The following MEGF8 variants were observed in gnomAD, a reference collection of about 807,000 sequenced individuals.
The protein encoded by MEGF8 is multiple epidermal growth factor-like domains protein 8.
Under a neutral mutation model 302.9 loss-of-function variants are expected in MEGF8, and 156 were observed. That is an observed-to-expected ratio of 0.52 (90% confidence interval 0.45 to 0.59). The LOEUF is 0.59. Among genes scored for constraint, MEGF8 ranks in the 20% least tolerant of loss-of-function variants. The pLI is 0.00. For missense variants in MEGF8, 3,345 were observed against 3,964.5 expected (o/e 0.84, Z 4.20); for synonymous variants, 1,621 against 1,660.5 (o/e 0.98, Z 0.58).
At position 42,351,649 on chromosome 19, in the gene MEGF8, G is replaced by A; in HGVS notation, c.2989G>A (p.Val997Ile). 6.3e-7 allele frequency: 1 copy of A among 1,589,912 alleles called. No homozygotes were observed. The highest frequency in any genetic ancestry group is 8.6e-7 in the Non-Finnish European group (1 of 1,168,778). The change falls in exon 18 of 42, where the codon GTA becomes ATA. Residue 997 changes from valine to isoleucine, a missense_variant and splice_region_variant. By Grantham distance (29) the Val-to-Ile change is conservative. Coordinates refer to ENST00000251268, the MANE Select transcript of MEGF8 (RefSeq NM_001271938.2). This position sits in a 1 kb window ranked among gnomAD's most constrained non-coding sequence, Gnocchi z 5.6. ...ACCCCCACCCCTGCCATCCTGCAGT[G>A]TACACTCGGAGCCACGGTGCCGGAG... is the stretch of plus-strand genomic sequence containing the variant. ...HGGCRGWDDS[V>I]HSEPRCRSCD...
chr19:42,352,949 T>G lies in MEGF8; in HGVS notation c.3372T>G (p.His1124Gln). Residue 1124 changes from histidine to glutamine, a missense_variant, in exon 20 of 42, where the codon CAT becomes CAG. His to Gln is a conservative substitution (Grantham distance 24). Coordinates refer to ENST00000251268, the MANE Select transcript of MEGF8 (RefSeq NM_001271938.2). This position sits in a 1 kb window ranked among gnomAD's most constrained non-coding sequence, Gnocchi z 4.4. ...TCAGGTGCTTGGAGGACTGTGGCCA[T>G]GGTGTGTGCAGTGGCCCCCCGGACT... Reference protein sequence around the residue: ...CNRTCLEDCGHGVCSGPPDFT... With the variant: ...CNRTCLEDCGQGVCSGPPDFT... 1 of 1,600,874 alleles carries G rather than the reference T, an allele frequency of 6.2e-7. No individual in the cohort carries two copies. The highest frequency in any genetic ancestry group is 8.5e-7 in the Non-Finnish European group (1 of 1,174,524).
Position 42,353,574 on chromosome 19 carries a change from C to A in MEGF8, c.3660C>A (p.Arg1220=). The change falls in exon 21 of 42, where the codon CGC becomes CGA. Residue 1220 remains arginine, a synonymous_variant. Coordinates refer to ENST00000251268, the MANE Select transcript of MEGF8 (RefSeq NM_001271938.2). This position sits in a 1 kb window ranked among gnomAD's most constrained non-coding sequence, Gnocchi z 6.1. ...AGTGCAACGGGCACGGGGACCCACG[C>A]CGTGGCCACTGCGACAACCTCAGTG... ...PCQCNGHGDP[R]RGHCDNLSGL... is the part of the protein sequence containing the mutation. 1 of 1,600,352 alleles carries A rather than the reference C, an allele frequency of 6.2e-7. No individual in the cohort carries two copies. Among genetic ancestry groups the A allele is most frequent in the Non-Finnish European group, 8.5e-7 (1 of 1,173,942 alleles).
Position 42,336,464 on chromosome 19 carries a change from C to T in MEGF8, c.1244+118C>T, listed in dbSNP as rs1269801968. ...GACTCCTGTGGTCTCTCAGTCACTC[C>T]TTCCTTCATGTATTTACTTATTCCT... On this transcript the variant is annotated intron_variant, in intron 6 of 41. Transcript: ENST00000251268. The surrounding 1 kb of genome is among the most constrained non-coding windows in gnomAD (Gnocchi z 4.8). 1.9e-6 allele frequency: 2 copies of T among 1,039,114 alleles called. No homozygotes were observed. The highest frequency in any genetic ancestry group is 3.2e-5 in the African/African-American group (2 of 62,078). The allele number at this position is 1,039,114 out of a possible 1,614,324, so 64.4% of individuals were successfully genotyped here.
At chr19:42,331,022 G>T (rs941394478) in intron 1 of MEGF8, among the ~76,000 whole-genome samples, 1 of 152,132 alleles carries the variant, frequency 6.6e-6, no homozygotes, top group Non-Finnish European at 1.5e-5. Context: ...GGGGAGGGAC[G>T]GGGCCAGATG....
rs765595234 is a variant in MEGF8 at position 42,359,137 on chromosome 19, G to A, written c.5383G>A (p.Asp1795Asn). Residue 1795 changes from aspartate to asparagine, a missense_variant, in exon 31 of 42, where the codon GAC (aspartate) becomes AAC (asparagine). Coordinates refer to ENST00000251268, the MANE Select transcript of MEGF8 (RefSeq NM_001271938.2). ...TTTCCACGCCTCAGCCCTGTTAGGG[G>A]ACACCATGGTGGTTCTTGGGGGGCG... Reference protein sequence around the residue: ...RLFHASALLGDTMVVLGGRSD... With the variant: ...RLFHASALLGNTMVVLGGRSD... 4.3e-5 allele frequency: 69 copies of A among 1,586,806 alleles called. No individual in the cohort carries two copies. The highest frequency in any genetic ancestry group is 5.8e-5 in the Non-Finnish European group (68 of 1,167,464).
Position 42,356,426 on chromosome 19 carries a change from C to T in MEGF8, c.4595C>T (p.Pro1532Leu). ...TGGATGTTTGGGGGCCTGGGCCTGC[C>T]CCAGGGGCTGCTGGGAAACCTGTAC... ...TLWMFGGLGL[P>L]QGLLGNLYRY... Residue 1532 changes from proline (P) to leucine (L), a missense_variant, in exon 26 of 42, where the codon CCC (proline) becomes CTC (leucine). By Grantham distance (98) the Pro-to-Leu change is moderately conservative. Transcript: ENST00000251268. This position sits in a 1 kb window ranked among gnomAD's most constrained non-coding sequence, Gnocchi z 5.2. The T allele has an allele frequency of 6.2e-7, 1 of 1,607,986 alleles. No individual in the cohort carries two copies. Among genetic ancestry groups the T allele is most frequent in the Non-Finnish European group, 8.5e-7 (1 of 1,177,470 alleles).
At position 42,348,345 on chromosome 19, in the gene MEGF8, G is replaced by C; in HGVS notation, c.2171G>C (p.Gly724Ala). Residue 724 changes from glycine to alanine, a missense_variant, in exon 13 of 42, where the codon GGC becomes GCC. By Grantham distance (60) the Gly-to-Ala change is moderately conservative. Coordinates refer to ENST00000251268, the MANE Select transcript of MEGF8 (RefSeq NM_001271938.2). ...AETDVSLVYR[G>A]FIYPMLPGGP... ...ACAGATGTGTCCCTGGTCTACCGTGGCTTCATCTACCCAATGCTGCCTGGA... is the reference window on the plus strand; with the variant it reads ...ACAGATGTGTCCCTGGTCTACCGTGCCTTCATCTACCCAATGCTGCCTGGA... 1.3e-6 allele frequency: 2 copies of C among 1,537,492 alleles called. No individual in the cohort carries two copies. Among genetic ancestry groups the C allele is most frequent in the South Asian group, 1.2e-5 (1 of 84,064 alleles).
At position 42,369,003 on chromosome 19, in the gene MEGF8, G is replaced by T; in HGVS notation, c.6641+1G>T. On this transcript the variant is annotated splice_donor_variant, in intron 37 of 41. Coordinates refer to ENST00000251268, the MANE Select transcript of MEGF8 (RefSeq NM_001271938.2). LOFTEE classifies it high-confidence loss of function. The surrounding 1 kb of genome is among the most constrained non-coding windows in gnomAD (Gnocchi z 5.7). ...GCAAGACCGGCTATACCATGGACAA[G>T]TGAGGCCGCAGGCGGCGCTGGGGCC... is the stretch of plus-strand genomic sequence containing the variant. The T allele has an allele frequency of 6.2e-7, 1 of 1,613,270 alleles. No individual in the cohort carries two copies. The highest frequency in any genetic ancestry group is 8.5e-7 in the Non-Finnish European group (1 of 1,179,822).
In MEGF8 at chr19:42,368,830, TCC is replaced by T; in HGVS notation, c.6482-10_6482-9del. On this transcript the variant is annotated splice_polypyrimidine_tract_variant and intron_variant, in intron 36 of 41. Coordinates refer to ENST00000251268, the MANE Select transcript of MEGF8 (RefSeq NM_001271938.2). This position sits in a 1 kb window ranked among gnomAD's most constrained non-coding sequence, Gnocchi z 4.9. ...ACAGAGGTCCAGGTAAAATGCTATA[TCC>T]CCGGTGCTAGGGCTGACATGTGGGC... 2 of 1,612,052 alleles carry T rather than the reference TCC, an allele frequency of 1.2e-6. No individual in the cohort carries two copies. The highest frequency in any genetic ancestry group is 1.7e-6 in the Non-Finnish European group (2 of 1,178,936).
intron 41 of MEGF8, among the ~76,000 whole-genome samples, chr19:42,373,716 T>TG (rs1414317460): frequency 6.8e-6 from 1 of 146,052 alleles, no homozygotes; most frequent in East Asian, 2.0e-4. Context: ...GTTTTTTTTT[T>TG]TTTTTTTTTT....
chr19:42,360,712 G>A (rs2147493448), intron 31 of MEGF8, 63 bp from the exon 32 acceptor site: 1 of 1,543,758 alleles, frequency 6.5e-7, no homozygotes. Flanking sequence ...CTGGCATCAT[G>A]GTGTGGGTCT....
rs2039268571 is a variant in MEGF8 at position 42,344,981 on chromosome 19, A to T, written c.2097+148A>T. The T allele has an allele frequency of 3.3e-6, 3 of 921,168 alleles. No individual in the cohort carries two copies. Among genetic ancestry groups the T allele is most frequent in the Non-Finnish European group, 4.4e-6 (3 of 684,566 alleles). The allele number at this position is 921,168 out of a possible 1,614,324, so 57.1% of individuals were successfully genotyped here. A position where few individuals can be genotyped will look rare whatever the true frequency, so the allele number is the denominator to read the frequency against. On this transcript the variant is annotated intron_variant, in intron 12 of 41. Coordinates refer to ENST00000251268, the MANE Select transcript of MEGF8 (RefSeq NM_001271938.2). This position sits in a 1 kb window ranked among gnomAD's most constrained non-coding sequence, Gnocchi z 4.5. ...ATTTTCCTTATGGACTTTATTTTTT[A>T]TTTTTTTTGAGAGGGAGTCTTGCTC...
chr19:42,349,364 C>G (rs2039336009), intron 13 of MEGF8, 135 bp from the exon 14 acceptor site: 1 of 674,700 alleles, frequency 1.5e-6, no homozygotes, highest in Admixed American at 3.0e-5. Flanking sequence ...CTCTGAGGTT[C>G]TCAGGATCTA....
chr19:42,349,608 T>C lies in MEGF8; in HGVS notation c.2408T>C (p.Val803Ala). 6.2e-7 allele frequency: 1 copy of C among 1,612,082 alleles called. No homozygotes were observed. The highest frequency in any genetic ancestry group is 8.5e-7 in the Non-Finnish European group (1 of 1,179,808). Residue 803 changes from valine (V) to alanine (A), a missense_variant, in exon 14 of 42, where the codon GTA becomes GCA. Val to Ala is a moderately conservative substitution (Grantham distance 64). Coordinates refer to ENST00000251268, the MANE Select transcript of MEGF8 (RefSeq NM_001271938.2). ...PLPGRDHKYAVEIQGQLNGSA... is the reference protein window; with the variant it reads ...PLPGRDHKYAAEIQGQLNGSA... Reference sequence around the variant, plus strand: ...CCTGGGCGGGACCACAAGTATGCAGTAGAGATCCAGGGCCAGCTCAATGGC... The same window carrying C: ...CCTGGGCGGGACCACAAGTATGCAGCAGAGATCCAGGGCCAGCTCAATGGC...
In MEGF8 at chr19:42,369,309, C is replaced by CA. The variant is rs202077154; in HGVS notation, c.6642-215dup. Among the ~76,000 whole-genome samples the CA allele has an allele frequency of 6.6e-3, 1,008 of 151,826 alleles. 26 individuals are homozygous for CA. The highest frequency in any genetic ancestry group is 0.014 in the East Asian group (70 of 5,160). ...AGTCCACAGGGAGACCCCATCTCTA[C>CA]AAAAAAATAAAAAAGAAAATAGGGT... On this transcript the variant is annotated intron_variant, in intron 37 of 41. Transcript: ENST00000251268. The surrounding 1 kb of genome is among the most constrained non-coding windows in gnomAD (Gnocchi z 5.7).
In MEGF8 at chr19:42,352,717, G is replaced by C. The variant is rs1458853847; in HGVS notation, c.3351-211G>C. ...CATGGAGGCGGAGGAGGACCTAGTT[G>C]AAAGAGGTTTTCACAGTGGTGCTAT... On this transcript the variant is annotated intron_variant, in intron 19 of 41. Coordinates refer to ENST00000251268, the MANE Select transcript of MEGF8 (RefSeq NM_001271938.2). The surrounding 1 kb of genome is among the most constrained non-coding windows in gnomAD (Gnocchi z 4.4). The C allele has an allele frequency of 4.7e-6, 3 of 639,168 alleles. No homozygotes were observed. Among genetic ancestry groups the C allele is most frequent in the Non-Finnish European group, 5.4e-6 (2 of 372,312 alleles). The allele number at this position is 639,168 out of a possible 1,614,324, so 39.6% of individuals were successfully genotyped here.
At chr19:42,341,581 C>T (rs2039215827) in intron 8 of MEGF8, among the ~76,000 whole-genome samples, 1 of 152,086 alleles carries the variant, frequency 6.6e-6, no homozygotes, top group Non-Finnish European at 1.5e-5. Context: ...TGACCATAGG[C>T]ACACAATACC....
intron 12 of MEGF8, among the ~76,000 whole-genome samples, chr19:42,346,876 T>G (rs2039296226): frequency 6.7e-6 from 1 of 148,890 alleles, no homozygotes; most frequent in Non-Finnish European, 1.5e-5. Context: ...TCCCAGCTAC[T>G]CAGGAGTCTG....
At position 42,326,256 on chromosome 19, in the gene MEGF8, A is replaced by G; in HGVS notation, c.13A>G (p.Lys5Glu). Residue 5 changes from lysine (K) to glutamate (E), a missense_variant, in exon 1 of 42, where the codon AAG becomes GAG. Lys to Glu is a moderately conservative substitution (Grantham distance 56). Coordinates refer to ENST00000251268, the MANE Select transcript of MEGF8 (RefSeq NM_001271938.2). The stretch of plus-strand genomic sequence containing the variant: ...GCAGGAGGCGGCGATGGCCCTGGGC[A>G]AGGTTCTGGCCATGGCACTGGTTTT... MALG[K>E]VLAMALVLAL... 2 of 1,538,656 alleles carry G rather than the reference A, an allele frequency of 1.3e-6. No individual in the cohort carries two copies. The highest frequency in any genetic ancestry group is 8.7e-7 in the Non-Finnish European group (1 of 1,152,230).
Sources: gnomAD v4.1 joint callset for allele counts (sites outside exome capture counted in the v4.1 genomes callset) on GRCh38, gnomAD v4.1.1 for gene constraint, Gnocchi (gnomAD v3.1) non-coding constraint, MANE v1.5 for transcripts, NCBI Gene and HGNC (gene_info 2026-07-23, HGNC 2026-07-21) for gene names.